CSMD1: variants seen among roughly 807,000 people sequenced by gnomAD.
CSMD1 encodes CUB and Sushi multiple domains 1.
Under a neutral mutation model 417.5 loss-of-function variants are expected in CSMD1, and 213 were observed. That is an observed-to-expected ratio of 0.51 (90% confidence interval 0.46 to 0.57). The LOEUF (loss-of-function observed/expected upper bound fraction) is 0.57. Ranked by LOEUF, CSMD1 falls within the 20% of genes least tolerant of loss-of-function variation. CSMD1 has a pLI of 0.00. For missense variants in CSMD1, 6,923 were observed against 4,529.7 expected (o/e 1.53, Z -15.17); for synonymous variants, 2,862 against 1,736.8 (o/e 1.65, Z -16.11).
chr8:4,283,655 A>G (rs556419379), intron 3 of CSMD1, among the ~76,000 whole-genome samples: 12 of 152,186 alleles, frequency 7.9e-5, no homozygotes, highest in Non-Finnish European at 1.2e-4. Flanking sequence ...ACAAAACCCA[A>G]CAGACACACC....
chr8:3,276,111 T>C lies in CSMD1; in HGVS notation c.4153+8033A>G, dbSNP rs909641638. On this transcript the variant is annotated intron_variant, in intron 26 of 69. Transcript: ENST00000635120. Reference sequence around the variant, plus strand: ...TTGATGTACAGATGGGTTTTTGGTGTGGATGTCATTTCTGTTTGTTAGTTT... The same window carrying C: ...TTGATGTACAGATGGGTTTTTGGTGCGGATGTCATTTCTGTTTGTTAGTTT... Among the ~76,000 whole-genome samples, 3 of 152,186 alleles carry C rather than the reference T, an allele frequency of 2.0e-5. No individual in the cohort carries two copies. The East Asian group carries it at 5.8e-4, about 29-fold the overall frequency.
intron 3 of CSMD1, among the ~76,000 whole-genome samples, chr8:4,202,894 C>T (rs773874475): frequency 6.6e-6 from 1 of 152,120 alleles, no homozygotes; most frequent in African/African-American, 2.4e-5. Flanking sequence ...GGAGAAGGGG[C>T]ATGGACTGTG....
intron 7 of CSMD1, among the ~76,000 whole-genome samples, chr8:3,623,452 G>C (rs372772660): frequency 9.5e-4 from 144 of 152,284 alleles, no homozygotes; most frequent in African/African-American, 3.3e-3. Flanking sequence ...ACAGAGATTA[G>C]AAACAAATCA....
intron 3 of CSMD1, among the ~76,000 whole-genome samples, chr8:4,196,147 C>T (rs1238251895): frequency 6.6e-6 from 1 of 152,028 alleles, no homozygotes; most frequent in Non-Finnish European, 1.5e-5. Context: ...GGAAGTGGAG[C>T]TTGCAGGGAG....
chr8:4,268,138 C>G (rs1804336773), intron 3 of CSMD1, among the ~76,000 whole-genome samples: 1 of 152,086 alleles, frequency 6.6e-6, no homozygotes, highest in Non-Finnish European at 1.5e-5. Flanking sequence ...AAACATATGT[C>G]CAAATCCAAA....
At chr8:3,972,233 G>T (rs942780770) in intron 5 of CSMD1, among the ~76,000 whole-genome samples, 1 of 151,944 alleles carries the variant, frequency 6.6e-6, no homozygotes, top group Non-Finnish European at 1.5e-5. Context: ...AAAAAAAAAA[G>T]AACTTCAATT....
intron 26 of CSMD1, among the ~76,000 whole-genome samples, chr8:3,277,311 C>T (rs2897415): frequency 6.6e-5 from 10 of 151,826 alleles, no homozygotes; most frequent in African/African-American, 1.5e-4. Flanking sequence ...GCGTTGCCCA[C>T]GTTGCTGCGG....
At chr8:3,164,663 A>C (rs902048473) in intron 37 of CSMD1, among the ~76,000 whole-genome samples, 1 of 152,118 alleles carries the variant, frequency 6.6e-6, no homozygotes, top group Non-Finnish European at 1.5e-5. Context: ...CGGGAATACT[A>C]AAAATCTACT....
intron 1 of CSMD1, among the ~76,000 whole-genome samples, chr8:4,975,402 G>A (rs1186521153): frequency 3.9e-5 from 6 of 152,270 alleles, no homozygotes; most frequent in African/African-American, 1.2e-4. Flanking sequence ...GGCTGTAAGC[G>A]GCCTTATTGA....
chr8:2,951,869 T>C (rs975994299), intron 65 of CSMD1, among the ~76,000 whole-genome samples: 3 of 152,208 alleles, frequency 2.0e-5, no homozygotes, highest in Admixed American at 1.3e-4. Flanking sequence ...TTAATCTCTT[T>C]ATGTAATATA....
At chr8:4,398,679 G>C (rs752755837) in intron 3 of CSMD1, among the ~76,000 whole-genome samples, 7 of 152,124 alleles carry the variant, frequency 4.6e-5, no homozygotes, top group Non-Finnish European at 8.8e-5. Context: ...ACAGGCATGA[G>C]CCATCACACC....
At chr8:2,939,497 A>G (rs1801715568) in intron 69 of CSMD1, among the ~76,000 whole-genome samples, 2 of 152,240 alleles carry the variant, frequency 1.3e-5, no homozygotes, top group African/African-American at 4.8e-5. Flanking sequence ...GAGGATTTTC[A>G]GACTGAAAAG....
In CSMD1 at chr8:4,468,166, T is replaced by C. The variant is rs11988893; in HGVS notation, c.303-48101A>G. Among the ~76,000 whole-genome samples the C allele has an allele frequency of 3.7e-3, 562 of 152,294 alleles. 5 individuals are homozygous for C. The highest frequency in any genetic ancestry group is 0.011 in the African/African-American group (475 of 41,570). ...GCCTACAGCTCTCTATTTTCTGTGC[T>C]CTAACAGCACTTGTCACGCTGTGTA... On this transcript the variant is annotated intron_variant, in intron 2 of 69. Coordinates refer to ENST00000635120, the MANE Select transcript of CSMD1 (RefSeq NM_033225.6).
chr8:3,867,328 G>A (rs894205323), intron 5 of CSMD1, among the ~76,000 whole-genome samples: 1 of 152,094 alleles, frequency 6.6e-6, no homozygotes, highest in African/African-American at 2.4e-5. Context: ...ACAAACAGTA[G>A]GGTAGCCTAG....
intron 3 of CSMD1, among the ~76,000 whole-genome samples, chr8:4,083,400 G>A (rs1203461273): frequency 2.6e-5 from 4 of 152,176 alleles, no homozygotes; most frequent in Admixed American, 6.6e-5. Flanking sequence ...TTTTTTGGCT[G>A]CATAAATGTC....
At chr8:4,529,906 T>A (rs1412451765) in intron 2 of CSMD1, among the ~76,000 whole-genome samples, 1 of 151,558 alleles carries the variant, frequency 6.6e-6, no homozygotes, top group Non-Finnish European at 1.5e-5. Context: ...AATTTTTTTA[T>A]TTTTATTTAT....
At chr8:4,184,198 TC>T (rs1265731138) in intron 3 of CSMD1, among the ~76,000 whole-genome samples, 1 of 152,196 alleles carries the variant, frequency 6.6e-6, no homozygotes, top group African/African-American at 2.4e-5. Context: ...TCTGTGTCAG[TC>T]TGAGCCTAAG....
chr8:4,921,365 A>G (rs1434067050), intron 1 of CSMD1, among the ~76,000 whole-genome samples: 1 of 152,210 alleles, frequency 6.6e-6, no homozygotes, highest in Non-Finnish European at 1.5e-5. Context: ...TTCCTAAGCT[A>G]TCTCAAAAAT....
chr8:3,465,969 G>A (rs1054000829), intron 12 of CSMD1, among the ~76,000 whole-genome samples: 2 of 151,902 alleles, frequency 1.3e-5, no homozygotes, highest in Non-Finnish European at 2.9e-5. Flanking sequence ...GGAGAGAAGG[G>A]GTGCTTACAA....
Sources: allele counts gnomAD v4.1 joint callset (sites outside exome capture counted in the v4.1 genomes callset), GRCh38; gene constraint gnomAD v4.1.1; transcripts MANE v1.5; gene names NCBI Gene and HGNC (gene_info 2026-07-23, HGNC 2026-07-21).